RGS7: variants seen among roughly 807,000 people sequenced by gnomAD.
RGS7 encodes the protein regulator of G protein signaling 7.
Under a neutral mutation model 81.1 loss-of-function variants are expected in RGS7, and 27 were observed. That is an observed-to-expected ratio of 0.33 (90% CI 0.25 to 0.46). The LOEUF (loss-of-function observed/expected upper bound fraction) is 0.46. Ranked by LOEUF, RGS7 falls within the 20% of genes least tolerant of loss-of-function variation. The pLI, the probability that RGS7 is intolerant of heterozygous loss-of-function variation, is 1.00. For synonymous variants in RGS7, 208 were observed against 207.7 expected (o/e 1.00, Z -0.01); for missense variants, 396 against 607.4 (o/e 0.65, Z 3.66).
At chr1:241,327,019 GAA>G (rs1361155599) in intron 2 of RGS7, among the ~76,000 whole-genome samples, 3 of 15,830 alleles carry the variant, frequency 1.9e-4, no homozygotes, top group Non-Finnish European at 3.8e-4. Flanking sequence ...AGGAAGGAAG[GAA>G]GGAAGGAAGG....
intron 2 of RGS7, among the ~76,000 whole-genome samples, chr1:241,304,883 C>T (rs2079992372): frequency 6.6e-6 from 1 of 152,104 alleles, no homozygotes; most frequent in African/African-American, 2.4e-5. Context: ...TCTATTATTG[C>T]CTATATTTAG....
rs916874550 is a variant in RGS7 at position 241,193,166 on chromosome 1, C to T, written c.79-94404G>A. The stretch of plus-strand genomic sequence containing the variant: ...ACAGCCTTCTTCCTTCCCTTTCTTA[C>T]AACCTATAAGATCAGACTTAAGTAA... On this transcript the variant is annotated intron_variant, in intron 2 of 18. Coordinates refer to ENST00000440928, the MANE Select transcript of RGS7 (RefSeq NM_001364886.1). Among the ~76,000 whole-genome samples the T allele has an allele frequency of 6.2e-4, 95 of 152,330 alleles. 1 individual carries two copies. Among genetic ancestry groups the T allele is most frequent in the African/African-American group, 2.2e-3 (91 of 41,580 alleles).
intron 2 of RGS7, among the ~76,000 whole-genome samples, chr1:241,314,750 C>T (rs1366339240): frequency 6.6e-6 from 1 of 152,166 alleles, no homozygotes; most frequent in Non-Finnish European, 1.5e-5. Context: ...CGGGCCCAGA[C>T]ACCATCGGAA....
At chr1:241,095,038 T>C (rs1272242746) in intron 3 of RGS7, among the ~76,000 whole-genome samples, 2 of 152,186 alleles carry the variant, frequency 1.3e-5, no homozygotes, top group Admixed American at 6.5e-5. Context: ...GTAAAATTTT[T>C]TTTAAAAAGT....
At chr1:241,042,526 A>G (rs1246010312) in intron 3 of RGS7, among the ~76,000 whole-genome samples, 1 of 152,242 alleles carries the variant, frequency 6.6e-6, no homozygotes, top group Admixed American at 6.5e-5. Context: ...AGTTCTTAAT[A>G]TATTAAGTAC....
intron 3 of RGS7, among the ~76,000 whole-genome samples, chr1:241,013,916 T>C (rs2059098452): frequency 6.6e-6 from 1 of 152,210 alleles, no homozygotes. Flanking sequence ...AGCATATTAA[T>C]GGGGCCTTTC....
intron 3 of RGS7, among the ~76,000 whole-genome samples, chr1:241,014,676 T>C (rs1410332941): frequency 6.6e-6 from 1 of 152,236 alleles, no homozygotes; most frequent in East Asian, 1.9e-4. Flanking sequence ...CCTTTGAATA[T>C]GTATTATGTT....
At chr1:241,004,510 G>A (rs1002711299) in intron 3 of RGS7, among the ~76,000 whole-genome samples, 6 of 152,112 alleles carry the variant, frequency 3.9e-5, no homozygotes, top group African/African-American at 1.4e-4. Context: ...GAAAATCATT[G>A]ACAAGAGGCA....
intron 2 of RGS7, among the ~76,000 whole-genome samples, chr1:241,341,767 C>T (rs2082562938): frequency 6.6e-6 from 1 of 151,658 alleles, no homozygotes. Flanking sequence ...AGACAGGGAA[C>T]GTGAGCCTTG....
intron 2 of RGS7, among the ~76,000 whole-genome samples, chr1:241,133,890 AG>A (rs1230006069): frequency 1.3e-5 from 2 of 152,218 alleles, no homozygotes; most frequent in African/African-American, 4.8e-5. Context: ...AGCTTCAAAA[AG>A]CATTCATGAG....
chr1:240,934,056 T>G (rs1676168463), intron 5 of RGS7, among the ~76,000 whole-genome samples: 1 of 152,070 alleles, frequency 6.6e-6, no homozygotes, highest in Non-Finnish European at 1.5e-5. Flanking sequence ...CTTCGCCTCC[T>G]GGGTTCAAGC....
intron 2 of RGS7, among the ~76,000 whole-genome samples, chr1:241,150,308 G>A (rs2068653335): frequency 6.6e-6 from 1 of 151,934 alleles, no homozygotes; most frequent in Non-Finnish European, 1.5e-5. Flanking sequence ...TAATTTGCAG[G>A]GACATTTGAG....
At chr1:240,806,565 A>T (rs976444981) in intron 14 of RGS7, among the ~76,000 whole-genome samples, 2 of 147,808 alleles carry the variant, frequency 1.4e-5, no homozygotes, top group African/African-American at 2.4e-5. Flanking sequence ...TTAAAAATAT[A>T]AATAAAAAAT....
rs568381066 is a variant in RGS7 at position 240,842,199 on chromosome 1, A to ATTTTTTTTTTT, written c.610-15038_610-15028dup. On this transcript the variant is annotated intron_variant, in intron 9 of 18. Coordinates refer to ENST00000440928, the MANE Select transcript of RGS7 (RefSeq NM_001364886.1). ...TGATTTCAGATTATGTTTGTCAGGA[A>ATTTTTTTTTTT]TTTTTTTTTTTTTTTTTGAGACAGA... 1.5e-3 allele frequency among the ~76,000 whole-genome samples: 121 copies of ATTTTTTTTTTT among 78,690 alleles called. 26 individuals carry two copies. The highest frequency in any genetic ancestry group is 4.7e-3 in the African/African-American group (100 of 21,338). The allele number at this position is 78,690 out of a possible 152,430, so 51.6% of individuals were successfully genotyped here. A position where few individuals can be genotyped will look rare whatever the true frequency, so the allele number is the denominator to read the frequency against.
chr1:241,096,053 C>G (rs942292371), intron 3 of RGS7, among the ~76,000 whole-genome samples: 9 of 152,178 alleles, frequency 5.9e-5, no homozygotes, highest in South Asian at 2.1e-4. Flanking sequence ...AAGATTGACT[C>G]CAGTCTGCAA....
intron 2 of RGS7, among the ~76,000 whole-genome samples, chr1:241,209,474 A>G (rs1287433262): frequency 6.6e-6 from 1 of 152,178 alleles, no homozygotes; most frequent in African/African-American, 2.4e-5. Flanking sequence ...TAATTGTAAT[A>G]ATGATAATAG....
Position 240,801,498 on chromosome 1 carries a change from G to A in RGS7, c.1370C>T (p.Ser457Leu), listed in dbSNP as rs1351182475. The change falls in exon 17 of 19, where the codon TCA becomes TTA. Residue 457 changes from serine to leucine, a missense_variant. Transcript: ENST00000440928. ...TTCAAAAGATGTTCTGCGATCCATT[G>A]AGTTTCCAGACTTACGTATGTGGGG... ...LLQAKKKSGN[S>L]MDRRTSFEKF... The A allele has an allele frequency of 1.2e-6, 2 of 1,607,582 alleles. No homozygotes were observed. The highest frequency in any genetic ancestry group is 4.5e-5 in the East Asian group (2 of 44,826).
intron 2 of RGS7, among the ~76,000 whole-genome samples, chr1:241,257,140 T>C (rs1165463301): frequency 6.6e-6 from 1 of 151,994 alleles, no homozygotes; most frequent in Non-Finnish European, 1.5e-5. Flanking sequence ...ACCGGATAAT[T>C]TATAAGCAAC....
intron 2 of RGS7, among the ~76,000 whole-genome samples, chr1:241,341,068 A>G (rs2082516216): frequency 6.6e-6 from 1 of 152,186 alleles, no homozygotes; most frequent in Non-Finnish European, 1.5e-5. Flanking sequence ...TTTTTGTGTG[A>G]TCCTGATTTT....
Sources: gnomAD v4.1 joint callset for allele counts (sites outside exome capture counted in the v4.1 genomes callset) on GRCh38, gnomAD v4.1.1 for gene constraint, MANE v1.5 for transcripts, NCBI Gene and HGNC (gene_info 2026-07-23, HGNC 2026-07-21) for gene names.